IL1RAPL2: variants seen among roughly 807,000 people sequenced by gnomAD.
IL1RAPL2 encodes the protein interleukin 1 receptor accessory protein like 2.
A neutral mutation model predicts 44.1 loss-of-function variants in IL1RAPL2; 3 were observed. That is an observed-to-expected ratio of 0.07 (90% confidence interval 0.03 to 0.18). The LOEUF is 0.18. Among genes scored for constraint, IL1RAPL2 ranks in the 10% least tolerant of loss-of-function variants. The pLI is 1.00. For synonymous variants in IL1RAPL2, 181 were observed against 178.8 expected (o/e 1.01, Z -0.10); for missense variants, 391 against 496.4 (o/e 0.79, Z 2.02).
chrX:104,805,667 A>C (rs1329524681), intron 2 of IL1RAPL2, among the ~76,000 whole-genome samples: 1 of 112,290 alleles, frequency 8.9e-6, no homozygotes, highest in Non-Finnish European at 1.9e-5. Flanking sequence ...GCCTGGGAGT[A>C]GTTATCAAAG....
chrX:105,551,421 C>T (rs111560348), intron 6 of IL1RAPL2, among the ~76,000 whole-genome samples: 1,929 of 110,506 alleles, frequency 0.017, 42 homozygotes, highest in African/African-American at 0.059. Context: ...TTGATAAGAA[C>T]GATTTTATTA....
In IL1RAPL2 at chrX:104,962,850, G is replaced by C. The variant is rs138999916; in HGVS notation, c.83-232625G>C. On this transcript the variant is annotated intron_variant, in intron 2 of 10. Transcript: ENST00000372582. ...CTCTGGGCCTCTGCTTCCCCTATTTGGACAATGAGGCTGATGCTATATGCT... is the reference window on the plus strand; with the variant it reads ...CTCTGGGCCTCTGCTTCCCCTATTTCGACAATGAGGCTGATGCTATATGCT... Among the ~76,000 whole-genome samples the C allele has an allele frequency of 4.4e-3, 491 of 111,870 alleles. 1 individual carries two copies. The highest frequency in any genetic ancestry group is 0.015 in the African/African-American group (459 of 30,825).
rs963251595 is a variant in IL1RAPL2 at position 105,639,852 on chromosome X, C to G, written c.773-77515C>G. Among the ~76,000 whole-genome samples the G allele has an allele frequency of 2.7e-5, 3 of 111,164 alleles. No individual in the cohort carries two copies. In the East Asian group the frequency reaches 8.5e-4, roughly 32 times the overall value. ...GCCAAAAGCCATGCATTTTAAATAC[C>G]CAAGACATGAAGCCTATTGGCAGAA... On this transcript the variant is annotated intron_variant, in intron 6 of 10. Transcript: ENST00000372582.
chrX:104,918,659 C>T (rs1014749764), intron 2 of IL1RAPL2, among the ~76,000 whole-genome samples: 1 of 111,437 alleles, frequency 9.0e-6, no homozygotes, highest in African/African-American at 3.3e-5. Context: ...TTTGCTGATA[C>T]CTCAGGGATC....
chrX:104,837,652 A>C (rs1921776217), intron 2 of IL1RAPL2, among the ~76,000 whole-genome samples: 1 of 111,744 alleles, frequency 8.9e-6, no homozygotes, highest in Non-Finnish European at 1.9e-5. Flanking sequence ...GGTAGATTGC[A>C]AAAATTTTCT....
intron 1 of IL1RAPL2, among the ~76,000 whole-genome samples, chrX:104,624,816 A>AG (rs1365044800): frequency 8.9e-6 from 1 of 111,769 alleles, no homozygotes; most frequent in Non-Finnish European, 1.9e-5. Context: ...TGGAAACACC[A>AG]GGCAGTGGTG....
chrX:104,930,681 C>T (rs1434743559), intron 2 of IL1RAPL2, among the ~76,000 whole-genome samples: 1 of 111,628 alleles, frequency 9.0e-6, no homozygotes, highest in African/African-American at 3.3e-5. Flanking sequence ...TCTTACCCTT[C>T]GTATTATACT....
chrX:105,356,094 A>C (rs1366035084), intron 5 of IL1RAPL2, among the ~76,000 whole-genome samples: 1 of 110,815 alleles, frequency 9.0e-6, no homozygotes, highest in African/African-American at 3.3e-5. Context: ...GGTAATAAAA[A>C]ATGTAAAAAT....
intron 2 of IL1RAPL2, among the ~76,000 whole-genome samples, chrX:105,028,214 G>A (rs1253164080): frequency 1.8e-5 from 2 of 111,002 alleles, no homozygotes; most frequent in African/African-American, 6.5e-5. Flanking sequence ...GCTGGGGATG[G>A]TTAATGGGTA....
At chrX:105,380,331 T>C (rs906869641) in intron 5 of IL1RAPL2, among the ~76,000 whole-genome samples, 3 of 111,609 alleles carry the variant, frequency 2.7e-5, no homozygotes, top group Non-Finnish European at 5.7e-5. Flanking sequence ...ACACCATGCT[T>C]TCTGATTCAA....
intron 2 of IL1RAPL2, among the ~76,000 whole-genome samples, chrX:104,718,733 G>A (rs1931624167): frequency 9.0e-6 from 1 of 111,062 alleles, no homozygotes; most frequent in Admixed American, 9.6e-5. Context: ...GTGTGAAAAC[G>A]GACTAATACA....
chrX:104,912,544 A>G (rs374766081), intron 2 of IL1RAPL2, among the ~76,000 whole-genome samples: 13 of 111,650 alleles, frequency 1.2e-4, no homozygotes, highest in African/African-American at 3.6e-4. Context: ...TATTGATACT[A>G]TATTATTTTG....
At chrX:104,858,055 A>T (rs963711522) in intron 2 of IL1RAPL2, among the ~76,000 whole-genome samples, 3 of 110,860 alleles carry the variant, frequency 2.7e-5, no homozygotes, top group African/African-American at 9.8e-5. Context: ...GGGTCCTAAG[A>T]CTGAAAGAGG....
At chrX:105,030,439 G>A (rs2031467892) in intron 2 of IL1RAPL2, among the ~76,000 whole-genome samples, 2 of 111,834 alleles carry the variant, frequency 1.8e-5, no homozygotes, top group Admixed American at 1.9e-4. Context: ...TTAAAGAAGG[G>A]ATCCAGTTTC....
At chrX:105,243,093 C>T (rs910487011) in intron 4 of IL1RAPL2, among the ~76,000 whole-genome samples, 1 of 109,215 alleles carries the variant, frequency 9.2e-6, no homozygotes, top group African/African-American at 3.3e-5. Flanking sequence ...AGGGAGACTT[C>T]ATCTCAAAAA....
intron 2 of IL1RAPL2, among the ~76,000 whole-genome samples, chrX:104,940,074 A>AATGTATTAGTTGTATAGTATGTATAGT (rs1925126752): frequency 1.8e-5 from 2 of 111,808 alleles, no homozygotes; most frequent in Non-Finnish European, 3.8e-5. Flanking sequence ...GCATGTTTAA[A>AATGTATTAGTTGTATAGTATGTATAGT]ATGTATTAGT....
At chrX:105,723,817 G>T (rs939094619) in intron 7 of IL1RAPL2, among the ~76,000 whole-genome samples, 1 of 110,723 alleles carries the variant, frequency 9.0e-6, no homozygotes, top group African/African-American at 3.3e-5. Flanking sequence ...CATGAGTGGG[G>T]AGCCTTCATG....
chrX:105,040,914 C>T (rs1229084106), intron 2 of IL1RAPL2, among the ~76,000 whole-genome samples: 1 of 99,812 alleles, frequency 1.0e-5, no homozygotes, highest in Non-Finnish European at 2.0e-5. Context: ...TTCTTGCCTT[C>T]TGCTAGCTTT....
intron 2 of IL1RAPL2, among the ~76,000 whole-genome samples, chrX:104,685,974 T>TA (rs892397406): frequency 2.4e-4 from 26 of 108,312 alleles, no homozygotes; most frequent in East Asian, 1.2e-3. Context: ...AATAAAAACT[T>TA]AAAAAAAAAG....
Sources: gnomAD v4.1 joint callset for allele counts (sites outside exome capture counted in the v4.1 genomes callset) on GRCh38, gnomAD v4.1.1 for gene constraint, MANE v1.5 for transcripts, NCBI Gene and HGNC (gene_info 2026-07-23, HGNC 2026-07-21) for gene names.